PRPSAP1: variants seen among roughly 807,000 people sequenced by gnomAD.
PRPSAP1 encodes the protein phosphoribosyl pyrophosphate synthetase associated protein 1, also known as phosphoribosyl pyrophosphate synthase-associated protein 1.
PRPSAP1 carries 31 observed loss-of-function variants against 39.4 expected under a neutral mutation model. The observed-to-expected ratio is 0.79, with a 90% CI of 0.59 to 1.06. The LOEUF (loss-of-function observed/expected upper bound fraction) is 1.06, where lower values mean the gene tolerates loss of function less well. PRPSAP1 is among the 50% of genes least tolerant of loss of function. The pLI, the probability that PRPSAP1 is intolerant of heterozygous loss-of-function variation, is 0.00. For synonymous variants in PRPSAP1, 212 were observed against 192.6 expected (o/e 1.10, Z -0.83); for missense variants, 430 against 511.6 (o/e 0.84, Z 1.54).
rs1215519440 is a variant in PRPSAP1, at chr17:76,337,000, C to T, written c.291-4565G>A. Among the ~76,000 whole-genome samples the T allele has an allele frequency of 3.9e-5, 6 of 152,160 alleles. No homozygotes were observed. The South Asian group carries it at 1.2e-3, about 32-fold the overall frequency. On this transcript the variant is annotated intron_variant, in intron 3 of 9. Coordinates refer to ENST00000446526, the MANE Select transcript of PRPSAP1 (RefSeq NM_002766.3). ...TGGCAGTCTCTGCTTTATCTGTTCC[C>T]TAAGAATGTTGCAAGTACACCCTGG...
Position 76,320,678 on chromosome 17 carries a change from A to G in PRPSAP1, c.782-6787T>C, listed in dbSNP as rs917682927. 4.3e-4 allele frequency among the ~76,000 whole-genome samples: 64 copies of G among 149,180 alleles called. No homozygotes were observed. The Admixed American group carries it at 4.3e-3, about 10-fold the overall frequency. ...TCGAACTCCTGACCTCAGCTGATGCACCCACCTCGGCCTCCCAAAGTGCTA... is the reference window on the plus strand; with the variant it reads ...TCGAACTCCTGACCTCAGCTGATGCGCCCACCTCGGCCTCCCAAAGTGCTA... On this transcript the variant is annotated intron_variant, in intron 7 of 9. Coordinates refer to ENST00000446526, the MANE Select transcript of PRPSAP1 (RefSeq NM_002766.3).
intron 1 of PRPSAP1, among the ~76,000 whole-genome samples, chr17:76,349,113 C>A (rs1209520863): frequency 6.6e-6 from 1 of 151,848 alleles, no homozygotes; most frequent in Non-Finnish European, 1.5e-5. Context: ...GAGTTTGAGA[C>A]CAGCCTGACC....
At chr17:76,340,870 C>A (rs1457223522) in intron 3 of PRPSAP1, among the ~76,000 whole-genome samples, 1 of 149,844 alleles carries the variant, frequency 6.7e-6, no homozygotes, top group East Asian at 2.0e-4. Flanking sequence ...CCATTGCACT[C>A]CAGCCTGGGC....
At chr17:76,342,694 A>T (rs1419073316) in intron 3 of PRPSAP1, among the ~76,000 whole-genome samples, 6 of 149,912 alleles carry the variant, frequency 4.0e-5, no homozygotes, top group Non-Finnish European at 8.9e-5. Context: ...TTCCTGCATG[A>T]GTGACACAGC....
chr17:76,323,883 C>A (rs1407889025), intron 7 of PRPSAP1, among the ~76,000 whole-genome samples: 2 of 152,028 alleles, frequency 1.3e-5, no homozygotes. Flanking sequence ...CAGTGGCTCA[C>A]GCCTGTAATC....
chr17:76,334,586 A>G (rs2071359336), intron 3 of PRPSAP1, among the ~76,000 whole-genome samples: 1 of 151,876 alleles, frequency 6.6e-6, no homozygotes, highest in Non-Finnish European at 1.5e-5. Flanking sequence ...CACCCTTGTA[A>G]TTTGGATTTT....
Position 76,332,441 on chromosome 17 carries a change from ACAGT to A in PRPSAP1, c.291-10_291-7del, listed in dbSNP as rs767976381. 33 of 1,613,550 alleles carry A rather than the reference ACAGT, an allele frequency of 2.0e-5. No homozygotes were observed. The African/African-American group carries it at 2.8e-4, about 14-fold the overall frequency. ...TCACAGCTGTATTCACATCTCTGAAACAGTCAAAGTTTGTATTTGGGGATTAATT... is the reference window on the plus strand; with the variant it reads ...TCACAGCTGTATTCACATCTCTGAAACAAAGTTTGTATTTGGGGATTAATT... On this transcript the variant is annotated splice_region_variant and splice_polypyrimidine_tract_variant and intron_variant, in intron 3 of 9. Transcript: ENST00000446526.
intron 2 of PRPSAP1, among the ~76,000 whole-genome samples, chr17:76,346,277 C>T (rs1213003513): frequency 1.3e-5 from 2 of 152,104 alleles, no homozygotes; most frequent in East Asian, 1.9e-4. Context: ...AGAATGTCTC[C>T]GAAGCTGGAT....
intron 2 of PRPSAP1, among the ~76,000 whole-genome samples, chr17:76,348,292 G>A (rs1377676209): frequency 6.6e-6 from 1 of 152,018 alleles, no homozygotes; most frequent in Non-Finnish European, 1.5e-5. Flanking sequence ...GGCCAACAGG[G>A]TGAAACCCCA....
chr17:76,350,608 A>G (rs1173884807), intron 1 of PRPSAP1, among the ~76,000 whole-genome samples: 1 of 152,146 alleles, frequency 6.6e-6, no homozygotes, highest in Non-Finnish European at 1.5e-5. Context: ...CTACCAGGGA[A>G]TGGGGACTTA....
rs1184861721 is a variant in PRPSAP1, at chr17:76,324,836, C to T, written c.781+3881G>A. 5.3e-5 allele frequency among the ~76,000 whole-genome samples: 8 copies of T among 150,530 alleles called. 1 individual carries two copies. Among genetic ancestry groups the T allele is most frequent in the South Asian group, 4.2e-4 (2 of 4,760 alleles). On this transcript the variant is annotated intron_variant, in intron 7 of 9. Coordinates refer to ENST00000446526, the MANE Select transcript of PRPSAP1 (RefSeq NM_002766.3). ...CAGCACTTTGGGAGGCCAAGGCGGG[C>T]GGATCATGAGGTCAGGAGATCGAGA...
chr17:76,350,958 G>A (rs2071561953), intron 1 of PRPSAP1, among the ~76,000 whole-genome samples: 1 of 152,164 alleles, frequency 6.6e-6, no homozygotes, highest in South Asian at 2.1e-4. Flanking sequence ...TTGAACTCGG[G>A]AGGCGGAGGT....
At chr17:76,328,988 T>C (rs2071286439) in intron 6 of PRPSAP1, 126 bp from the exon 7 acceptor site, 2 of 1,152,476 alleles carry the variant, frequency 1.7e-6, no homozygotes, top group Non-Finnish European at 2.4e-6. Context: ...ATTATTTATA[T>C]AAATGAGAAT....
rs62086318 is a variant in PRPSAP1, at chr17:76,313,063, C to T, written c.853-47G>A. On this transcript the variant is annotated intron_variant, in intron 8 of 9. Transcript: ENST00000446526. ...TTGGTAGGAAAGAAACACCCTCTAG[C>T]CCATACTGTCAATGCACACACCACT... is the stretch of plus-strand genomic sequence containing the variant. 8.5e-3 allele frequency: 13,540 copies of T among 1,590,804 alleles called. 71 individuals carry two copies. Among genetic ancestry groups the T allele is most frequent in the Non-Finnish European group, 0.011 (12,504 of 1,168,032 alleles).
At chr17:76,332,623 T>C (rs2305936) in intron 3 of PRPSAP1, among the ~76,000 whole-genome samples, 188 bp from the exon 4 acceptor site, 46,958 of 152,056 alleles carry the variant, frequency 0.31, 8,501 homozygotes, top group African/African-American at 0.5. Context: ...GAGTAAGCCC[T>C]AGCTTTCATC....
At chr17:76,350,825 G>A (rs1247179345) in intron 1 of PRPSAP1, among the ~76,000 whole-genome samples, 1 of 152,192 alleles carries the variant, frequency 6.6e-6, no homozygotes, top group Non-Finnish European at 1.5e-5. Flanking sequence ...CTGAAGTTGG[G>A]AGTTTGAGAC....
chr17:76,349,986 G>A (rs1353656473), intron 1 of PRPSAP1, among the ~76,000 whole-genome samples: 3 of 151,628 alleles, frequency 2.0e-5, no homozygotes, highest in African/African-American at 7.3e-5. Context: ...CTTGGGAGCT[G>A]AGGCACGAGA....
Position 76,353,902 on chromosome 17 carries a change from C to T in PRPSAP1, c.-199G>A. On this transcript the variant is annotated 5_prime_UTR_variant, in exon 1 of 10. Transcript: ENST00000446526. Reference sequence around the variant, plus strand: ...CCTTCGCAGCGCCCGGCGCCGCCGCCTCAGAGCCAGAGGCAAGGCCACCGC... The same window carrying T: ...CCTTCGCAGCGCCCGGCGCCGCCGCTTCAGAGCCAGAGGCAAGGCCACCGC... 1 of 1,331,512 alleles carries T rather than the reference C, an allele frequency of 7.5e-7. No individual in the cohort carries two copies. The highest frequency in any genetic ancestry group is 9.6e-7 in the Non-Finnish European group (1 of 1,046,738). 82.5% of individuals were successfully genotyped at this position (1,331,512 alleles called of 1,614,324 possible).
chr17:76,346,215 G>C (rs941685775), intron 2 of PRPSAP1: 6 of 190,486 alleles, frequency 3.1e-5, no homozygotes, highest in Non-Finnish European at 6.5e-5. Flanking sequence ...TATGTTGTTA[G>C]CACACAGAAC....
Sources: gnomAD v4.1 joint callset for allele counts (sites outside exome capture counted in the v4.1 genomes callset) on GRCh38, gnomAD v4.1.1 for gene constraint, MANE v1.5 for transcripts, NCBI Gene and HGNC (gene_info 2026-07-23, HGNC 2026-07-21) for gene names.